CAMK1D: variants seen among roughly 807,000 people sequenced by gnomAD.
CAMK1D encodes the protein calcium/calmodulin-dependent protein kinase type 1D.
A neutral mutation model predicts 47.7 loss-of-function variants in CAMK1D; 9 were observed. The ratio of observed to expected loss-of-function variants is 0.19; its 90% CI spans 0.11 to 0.33. The LOEUF is 0.33. Among genes scored for constraint, CAMK1D ranks in the 10% least tolerant of loss-of-function variants. The pLI, the probability that CAMK1D is intolerant of heterozygous loss-of-function variation, is 1.00. For missense variants in CAMK1D, 291 were observed against 488.7 expected, an observed-to-expected ratio of 0.60 and a Z score of 3.81; for synonymous variants, 184 against 184.9, an observed-to-expected ratio of 0.99 and a Z score of 0.04.
chr10:12,723,795 A>G (rs112910077), intron 3 of CAMK1D, among the ~76,000 whole-genome samples: 17,885 of 152,118 alleles, frequency 0.12, 2,325 homozygotes, highest in African/African-American at 0.32. Context: ...GTTCTAGGGT[A>G]CATGTGCACA....
At chr10:12,506,855 G>A (rs747506566) in intron 1 of CAMK1D, among the ~76,000 whole-genome samples, 2 of 152,120 alleles carry the variant, frequency 1.3e-5, no homozygotes, top group Non-Finnish European at 2.9e-5. Context: ...TGGTGCCCCC[G>A]AGCCCGAGGG....
intron 1 of CAMK1D, among the ~76,000 whole-genome samples, chr10:12,376,657 A>G (rs2724779): frequency 0.18 from 26,967 of 152,172 alleles, 2,585 homozygotes; most frequent in East Asian, 0.31. Context: ...GGCTCTGCAG[A>G]TGAGAATGCA....
intron 1 of CAMK1D, among the ~76,000 whole-genome samples, chr10:12,521,574 A>G (rs1269605547): frequency 6.6e-6 from 1 of 152,210 alleles, no homozygotes; most frequent in Non-Finnish European, 1.5e-5. Context: ...GTGTTCTGCC[A>G]TTAGTGAGTA....
At chr10:12,640,784 C>T (rs1839643074) in intron 2 of CAMK1D, among the ~76,000 whole-genome samples, 1 of 152,142 alleles carries the variant, frequency 6.6e-6, no homozygotes, top group Admixed American at 6.5e-5. Context: ...CTGCCTCAGC[C>T]TTTACCCCAG....
chr10:12,495,422 A>G (rs1003122906), intron 1 of CAMK1D, among the ~76,000 whole-genome samples: 1 of 152,248 alleles, frequency 6.6e-6, no homozygotes, highest in Non-Finnish European at 1.5e-5. Context: ...AGTTATAACC[A>G]TGATATGCCT....
At chr10:12,785,777 G>T (rs1402360639) in intron 5 of CAMK1D, among the ~76,000 whole-genome samples, 1 of 152,214 alleles carries the variant, frequency 6.6e-6, no homozygotes, top group Non-Finnish European at 1.5e-5. Context: ...GACAAGATCA[G>T]AGTGAGAAGT....
intron 3 of CAMK1D, among the ~76,000 whole-genome samples, chr10:12,709,129 G>A (rs575070604): frequency 3.9e-4 from 60 of 152,240 alleles, no homozygotes; most frequent in Non-Finnish European, 6.9e-4. Flanking sequence ...AGTCACCTAT[G>A]TGGGGGGCGG....
rs1005562915 is a variant in CAMK1D, at chr10:12,516,966, A to G, written c.93-36259A>G. ...GGGATTGCATCGAATCTGTACATCA[A>G]CTTTGGAAAAACTAATATCTTTGTA... On this transcript the variant is annotated intron_variant, in intron 1 of 10. Transcript: ENST00000619168. Among the ~76,000 whole-genome samples the G allele has an allele frequency of 6.6e-5, 10 of 152,232 alleles. No homozygotes were observed. In the South Asian group the frequency reaches 8.3e-4, roughly 13 times the overall value.
intron 8 of CAMK1D, among the ~76,000 whole-genome samples, chr10:12,817,584 C>A (rs1832849174): frequency 6.6e-6 from 1 of 152,196 alleles, no homozygotes; most frequent in Non-Finnish European, 1.5e-5. Context: ...AATAACAATA[C>A]CTAATTTGCA....
chr10:12,545,873 AG>A (rs1044570427), intron 1 of CAMK1D, among the ~76,000 whole-genome samples: 9 of 149,486 alleles, frequency 6.0e-5, no homozygotes, highest in African/African-American at 2.0e-4. Context: ...TCAGGGAAGG[AG>A]GGGGTGGGCA....
Position 12,828,706 on chromosome 10 carries a change from G to T in CAMK1D, c.1040-63G>T, listed in dbSNP as rs369699201. On this transcript the variant is annotated intron_variant, in intron 10 of 10. Coordinates refer to ENST00000619168, the MANE Select transcript of CAMK1D (RefSeq NM_153498.4). ...AACCCAGCCCCTCTGACACCTGGCA[G>T]TGGGAAGCAGGGTGAGAATTTACCT... 1.2e-5 allele frequency: 16 copies of T among 1,351,272 alleles called. No homozygotes were observed. The African/African-American group carries it at 1.7e-4, about 14-fold the overall frequency. The allele number at this position is 1,351,272 out of a possible 1,614,324, so 83.7% of individuals were successfully genotyped here. A position where few individuals can be genotyped will look rare whatever the true frequency, so the allele number is the denominator to read the frequency against.
intron 2 of CAMK1D, 115 bp from the exon 3 acceptor site, chr10:12,666,621 T>C: frequency 1.3e-6 from 1 of 793,254 alleles, no homozygotes; most frequent in Admixed American, 2.4e-5. Context: ...TCTGAAATCT[T>C]TTTGTTCAGG....
chr10:12,828,873 T>C lies in CAMK1D; in HGVS notation c.1144T>C (p.Ser382Pro). 1 of 1,611,774 alleles carries C rather than the reference T, an allele frequency of 6.2e-7. No homozygotes were observed. ...GCCCACCACTGTGACGGCAGTGCAC[T>C]CTGGAAGCAAGTGACTGGCCCTGGA... ...PRPTTVTAVH[S>P]GSK is the part of the protein sequence containing the mutation. The change falls in exon 11 of 11, where the codon TCT becomes CCT. Residue 382 changes from serine (S) to proline (P), a missense_variant. By Grantham distance (74) the Ser-to-Pro change is moderately conservative. Coordinates refer to ENST00000619168, the MANE Select transcript of CAMK1D (RefSeq NM_153498.4).
At chr10:12,745,752 G>A (rs892066230) in intron 3 of CAMK1D, among the ~76,000 whole-genome samples, 3 of 151,632 alleles carry the variant, frequency 2.0e-5, no homozygotes, top group Non-Finnish European at 2.9e-5. Context: ...ACAGGTGCCC[G>A]CCACCACGCC....
intron 2 of CAMK1D, among the ~76,000 whole-genome samples, chr10:12,605,887 C>A (rs1838444056): frequency 6.6e-6 from 1 of 152,116 alleles, no homozygotes; most frequent in South Asian, 2.1e-4. Flanking sequence ...GCCTGTTGCC[C>A]CGGATGGATG....
chr10:12,570,534 G>T (rs993333846), intron 2 of CAMK1D, among the ~76,000 whole-genome samples: 18 of 151,920 alleles, frequency 1.2e-4, no homozygotes, highest in Non-Finnish European at 2.5e-4. Context: ...ACAAAAATTA[G>T]CTGGGCGTGG....
At chr10:12,752,807 A>G (rs941546698) in intron 3 of CAMK1D, among the ~76,000 whole-genome samples, 1 of 152,186 alleles carries the variant, frequency 6.6e-6, no homozygotes, top group Non-Finnish European at 1.5e-5. Context: ...GCCACTGGCA[A>G]TTCCCTTCCC....
chr10:12,674,923 T>A (rs1214080585), intron 3 of CAMK1D, among the ~76,000 whole-genome samples: 3 of 150,446 alleles, frequency 2.0e-5, no homozygotes, highest in Non-Finnish European at 2.9e-5. Context: ...TCCCAGCTAC[T>A]CAGGAGGCTG....
At chr10:12,748,549 A>G (rs992129352) in intron 3 of CAMK1D, among the ~76,000 whole-genome samples, 6 of 152,160 alleles carry the variant, frequency 3.9e-5, no homozygotes, top group African/African-American at 1.4e-4. Context: ...AAACACTGGG[A>G]GCTGCTGTAA....
Sources: allele counts gnomAD v4.1 joint callset (sites outside exome capture counted in the v4.1 genomes callset), GRCh38; gene constraint gnomAD v4.1.1; transcripts MANE v1.5; gene names NCBI Gene and HGNC (gene_info 2026-07-23, HGNC 2026-07-21).